GLT1D1: variants seen among roughly 807,000 people sequenced by gnomAD.
GLT1D1 encodes glycosyltransferase 1 domain containing 1.
In GLT1D1, 21 loss-of-function variants were observed where a neutral mutation model predicts 28.7. That is an observed-to-expected ratio of 0.73 (90% CI 0.52 to 1.05). The LOEUF (loss-of-function observed/expected upper bound fraction) is 1.05. Among genes scored for constraint, GLT1D1 ranks in the 50% least tolerant of loss-of-function variants. GLT1D1 has a pLI of 0.00. For synonymous variants in GLT1D1, 147 were observed against 124.8 expected, an observed-to-expected ratio of 1.18 and a Z score of -1.19; for missense variants, 343 against 330.6, an observed-to-expected ratio of 1.04 and a Z score of -0.29.
chr12:128,899,132 A>T, intron 3 of GLT1D1, 104 bp from the exon 4 acceptor site: 1 of 784,194 alleles, frequency 1.3e-6, no homozygotes, highest in Non-Finnish European at 2.2e-6. Context: ...TTTTAAATTT[A>T]GTGTCTCACG....
In GLT1D1 at chr12:128,958,182, G is replaced by C. The variant is rs74745809; in HGVS notation, c.639+539G>C. ...CATCACCTCCCAGGAGCATGGAAAG[G>C]TGTTGCCCAGTGTAGGGGGCCACAG... On this transcript the variant is annotated intron_variant, in intron 7 of 7. Transcript: ENST00000281703. Among the ~76,000 whole-genome samples, 441 of 152,324 alleles carry C rather than the reference G, an allele frequency of 2.9e-3. 10 individuals carry two copies. In the East Asian group the frequency reaches 0.071, roughly 25 times the overall value.
At chr12:128,911,466 A>G (rs1291186425) in intron 4 of GLT1D1, among the ~76,000 whole-genome samples, 2 of 152,210 alleles carry the variant, frequency 1.3e-5, no homozygotes, top group Non-Finnish European at 2.9e-5. Context: ...ACACCGAGGA[A>G]GGACAGGGGT....
At chr12:128,896,612 G>C (rs1401191855) in intron 3 of GLT1D1, among the ~76,000 whole-genome samples, 1 of 114,432 alleles carries the variant, frequency 8.7e-6, no homozygotes, top group East Asian at 2.6e-4. Flanking sequence ...ACAGAGTCTT[G>C]CTCTGTTGCC....
At chr12:128,948,724 C>T (rs991266099) in intron 6 of GLT1D1, among the ~76,000 whole-genome samples, 1 of 117,512 alleles carries the variant, frequency 8.5e-6, no homozygotes, top group Non-Finnish European at 2.1e-5. Context: ...AACTTACTGA[C>T]AAAAGTTAAG....
At chr12:128,982,080 C>G (rs1252486528) in intron 7 of GLT1D1, among the ~76,000 whole-genome samples, 1 of 152,158 alleles carries the variant, frequency 6.6e-6, no homozygotes, top group Non-Finnish European at 1.5e-5. Flanking sequence ...TCAGCAGGAG[C>G]ACTCTTTCAT....
intron 1 of GLT1D1, 52 bp downstream of exon 1, chr12:128,853,701 G>T: frequency 9.7e-7 from 1 of 1,026,534 alleles, no homozygotes; most frequent in Non-Finnish European, 1.2e-6. Context: ...GCCGGGGGGC[G>T]GGGACGCGGG....
At chr12:128,942,608 C>A (rs1566156969) in intron 4 of GLT1D1, among the ~76,000 whole-genome samples, 1 of 152,054 alleles carries the variant, frequency 6.6e-6, no homozygotes, top group African/African-American at 2.4e-5. Context: ...AGTAAATACG[C>A]CATGGAAGAC....
At chr12:128,969,900 G>T (rs117895919) in intron 7 of GLT1D1, among the ~76,000 whole-genome samples, 1 of 152,056 alleles carries the variant, frequency 6.6e-6, no homozygotes, top group Non-Finnish European at 1.5e-5. Context: ...GTGTGAGCCC[G>T]CAGGCTCCAG....
intron 7 of GLT1D1, among the ~76,000 whole-genome samples, chr12:128,964,183 G>A (rs1031134694): frequency 4.6e-5 from 7 of 152,148 alleles, no homozygotes; most frequent in African/African-American, 1.7e-4. Flanking sequence ...GGAGTTCAGG[G>A]CCAGCCTGGC....
At chr12:128,910,378 T>A (rs1342748375) in intron 4 of GLT1D1, among the ~76,000 whole-genome samples, 1 of 151,102 alleles carries the variant, frequency 6.6e-6, no homozygotes, top group Non-Finnish European at 1.5e-5. Context: ...ACAAAAACTA[T>A]AAACTCTATG....
chr12:128,906,644 A>G (rs2135870359), intron 4 of GLT1D1, among the ~76,000 whole-genome samples: 2 of 152,230 alleles, frequency 1.3e-5, no homozygotes, highest in African/African-American at 2.4e-5. Flanking sequence ...GCACAGTGTC[A>G]TTCATAATGG....
At chr12:128,940,361 T>C (rs1875069383) in intron 4 of GLT1D1, among the ~76,000 whole-genome samples, 1 of 152,196 alleles carries the variant, frequency 6.6e-6, no homozygotes, top group African/African-American at 2.4e-5. Context: ...CAGCGCTTCA[T>C]GTCTTCTCAG....
intron 6 of GLT1D1, among the ~76,000 whole-genome samples, chr12:128,948,720 C>A (rs1371992118): frequency 2.5e-5 from 3 of 117,754 alleles, no homozygotes; most frequent in African/African-American, 7.9e-5. Context: ...ACTGAACTTA[C>A]TGACAAAAGT....
chr12:128,969,997 C>T (rs999811081), intron 7 of GLT1D1, among the ~76,000 whole-genome samples: 2 of 152,178 alleles, frequency 1.3e-5, no homozygotes, highest in Non-Finnish European at 2.9e-5. Context: ...CTGGAGGCCT[C>T]CTGGTGATCT....
intron 6 of GLT1D1, among the ~76,000 whole-genome samples, chr12:128,953,896 C>A (rs924604455): frequency 1.3e-4 from 19 of 151,796 alleles, no homozygotes; most frequent in African/African-American, 4.6e-4. Context: ...CAGGCACAAG[C>A]CACCATGCCT....
chr12:128,861,248 T>C (rs1956362299), intron 1 of GLT1D1, among the ~76,000 whole-genome samples: 1 of 152,218 alleles, frequency 6.6e-6, no homozygotes, highest in Admixed American at 6.5e-5. Context: ...TTACGTGTTG[T>C]TCACATTTCT....
At chr12:128,942,739 G>GTTTTTTTTTTTTTTTTTTTTTTTT (rs199567989) in intron 4 of GLT1D1, among the ~76,000 whole-genome samples, 1 of 102,482 alleles carries the variant, frequency 9.8e-6, no homozygotes, top group Non-Finnish European at 1.8e-5. Context: ...TTCTTTGTTT[G>GTTTTTTTTTTTTTTTTTTTTTTTT]TTTGTTTTTG....
At chr12:128,882,153 T>C (rs1312162846) in intron 2 of GLT1D1, among the ~76,000 whole-genome samples, 1 of 152,168 alleles carries the variant, frequency 6.6e-6, no homozygotes, top group African/African-American at 2.4e-5. Flanking sequence ...CTTTTCTGTT[T>C]AAAATTAGTA....
intron 3 of GLT1D1, among the ~76,000 whole-genome samples, chr12:128,896,209 C>G (rs1334307460): frequency 6.6e-6 from 1 of 151,888 alleles, no homozygotes; most frequent in Admixed American, 6.6e-5. Flanking sequence ...GAAGCAGGGA[C>G]TGTGGGATTA....
Sources: gnomAD v4.1 joint callset for allele counts (sites outside exome capture counted in the v4.1 genomes callset) on GRCh38, gnomAD v4.1.1 for gene constraint, MANE v1.5 for transcripts, NCBI Gene and HGNC (gene_info 2026-07-23, HGNC 2026-07-21) for gene names.